Variants in NLRP4 observed in about 807,000 individuals in gnomAD.
NLRP4 encodes NACHT, LRR and PYD domains-containing protein 4.
NLRP4 carries 44 observed loss-of-function variants against 84.7 expected under a neutral mutation model. That is an observed-to-expected ratio of 0.52 (90% confidence interval 0.41 to 0.67). The LOEUF (loss-of-function observed/expected upper bound fraction) is 0.67, where lower values mean the gene tolerates loss of function less well. NLRP4 is among the 30% of genes least tolerant of loss of function. The pLI is 0.00. For synonymous variants in NLRP4, 544 were observed against 476.4 expected (o/e 1.14, Z -1.85); for missense variants, 1,260 against 1,219.4 (o/e 1.03, Z -0.50).
chr19:55,848,419 C>T (rs1983883539), intron 1 of NLRP4, among the ~76,000 whole-genome samples: 1 of 151,972 alleles, frequency 6.6e-6, no homozygotes, highest in African/African-American at 2.4e-5. Flanking sequence ...CTATACTATA[C>T]ATTGAGATGG....
chr19:55,878,188 A>C (rs993099919), intron 8 of NLRP4, among the ~76,000 whole-genome samples: 1 of 152,022 alleles, frequency 6.6e-6, no homozygotes, highest in Non-Finnish European at 1.5e-5. Flanking sequence ...AATTGCTAGA[A>C]CCCAGGAGGT....
rs370527389 is a variant in NLRP4, at chr19:55,858,578, G to C, written c.1185G>C (p.Gln395His). ...GCCCGACTCCGCAAACCCAGCACCA[G>C]CTGAAGGCCCTGTGCTCCCTGGCTG... Reference protein sequence around the residue: ...AEGPTPQTQHQLKALCSLAAE... With the variant: ...AEGPTPQTQHHLKALCSLAAE... The change falls in exon 3 of 10, where the codon CAG becomes CAC. Residue 395 changes from glutamine (Q) to histidine (H), a missense_variant. Gln to His is a conservative substitution (Grantham distance 24, BLOSUM62 0). Around this residue, in one of 3 missense-constraint regions of NLRP4, gnomAD observed 712 missense variants for 669.2 expected, o/e 1.06. Transcript: ENST00000301295. The surrounding 1 kb of genome is among the most constrained non-coding windows in gnomAD (Gnocchi z 4.2). The C allele has an allele frequency of 1.2e-6, 2 of 1,614,070 alleles. No homozygotes were observed. Among genetic ancestry groups the C allele is most frequent in the East Asian group, 2.2e-5 (1 of 44,898 alleles).
chr19:55,848,294 T>C (rs763614992), intron 1 of NLRP4, among the ~76,000 whole-genome samples: 1 of 152,032 alleles, frequency 6.6e-6, no homozygotes, highest in Non-Finnish European at 1.5e-5. Context: ...TTGCTACCCA[T>C]GTTGGCCTTG....
At chr19:55,866,068 C>T (rs138399066) in intron 5 of NLRP4, among the ~76,000 whole-genome samples, 1,525 of 152,168 alleles carry the variant, frequency 0.01, 10 homozygotes, top group Non-Finnish European at 0.018. Context: ...GAGTCTCACT[C>T]TGTCACCCAG....
chr19:55,845,796 C>T lies in NLRP4; in HGVS notation c.-65-6220C>T, dbSNP rs547385805. On this transcript the variant is annotated intron_variant, in intron 1 of 9. Transcript: ENST00000301295. ...TGGCCAGTGATGATGAGCATTTTTT[C>T]ATGTGTTTTTTGGCTGCATAAATGT... is the stretch of plus-strand genomic sequence containing the variant. Among the ~76,000 whole-genome samples, 697 of 148,722 alleles carry T rather than the reference C, an allele frequency of 4.7e-3. 10 individuals are homozygous for T. The highest frequency in any genetic ancestry group is 0.02 in the Middle Eastern group (6 of 294).
chr19:55,868,956 G>C (rs189942169), intron 6 of NLRP4, among the ~76,000 whole-genome samples: 1 of 152,210 alleles, frequency 6.6e-6, no homozygotes, highest in East Asian at 1.9e-4. Flanking sequence ...ACAGGGACAG[G>C]ACTTAACCTC....
At chr19:55,879,106 G>A (rs1985489520) in intron 9 of NLRP4, 142 bp downstream of exon 9, 6 of 624,286 alleles carry the variant, frequency 9.6e-6, no homozygotes, top group Non-Finnish European at 1.7e-5. Context: ...TAAGAACCAA[G>A]CAGGTGAGTA....
At chr19:55,860,662 G>A (rs1037614381) in intron 3 of NLRP4, among the ~76,000 whole-genome samples, 1 of 152,208 alleles carries the variant, frequency 6.6e-6, no homozygotes, top group African/African-American at 2.4e-5. Context: ...AGTCAAGTGA[G>A]CTGGATCCTA....
chr19:55,866,421 C>T (rs751664644), intron 5 of NLRP4, among the ~76,000 whole-genome samples: 5 of 152,224 alleles, frequency 3.3e-5, no homozygotes, highest in Non-Finnish European at 5.9e-5. Flanking sequence ...GCCATGGACT[C>T]GGTGACTTGC....
chr19:55,853,597 A>G (rs750444732), intron 2 of NLRP4, among the ~76,000 whole-genome samples: 3 of 152,092 alleles, frequency 2.0e-5, no homozygotes, highest in East Asian at 3.9e-4. Context: ...AATTGTAGAG[A>G]TGAGCTCTCA....
chr19:55,879,075 G>A, intron 9 of NLRP4, 111 bp downstream of exon 9: 2 of 840,048 alleles, frequency 2.4e-6, no homozygotes, highest in Non-Finnish European at 1.9e-6. Flanking sequence ...GATGTTCCTT[G>A]TCTCAGGGTT....
At chr19:55,856,664 C>T (rs940563635) in intron 2 of NLRP4, among the ~76,000 whole-genome samples, 6 of 151,314 alleles carry the variant, frequency 4.0e-5, no homozygotes, top group Admixed American at 2.0e-4. Flanking sequence ...TACAGGCACA[C>T]ACCACCACGC....
In NLRP4 at chr19:55,842,547, C is replaced by T. The variant is rs546936882; in HGVS notation, c.-66+5613C>T. 4.6e-5 allele frequency among the ~76,000 whole-genome samples: 7 copies of T among 151,430 alleles called. No individual in the cohort carries two copies. In the East Asian group the frequency reaches 1.4e-3, roughly 29 times the overall value. The stretch of plus-strand genomic sequence containing the variant: ...CCTTTTTCTTTTTTTTTTAGATTTA[C>T]GTGCCAGCTGTGATAAATTTTAATT... On this transcript the variant is annotated intron_variant, in intron 1 of 9. Transcript: ENST00000301295.
chr19:55,842,517 G>C (rs530330922), intron 1 of NLRP4, among the ~76,000 whole-genome samples: 1 of 143,170 alleles, frequency 7.0e-6, no homozygotes, highest in Admixed American at 6.7e-5. Context: ...TAGAGCACTT[G>C]ATGTCCTTTT....
At chr19:55,869,825 A>G (rs901932084) in intron 6 of NLRP4, among the ~76,000 whole-genome samples, 2 of 151,770 alleles carry the variant, frequency 1.3e-5, no homozygotes, top group African/African-American at 4.8e-5. Flanking sequence ...TTGGAGGCTC[A>G]CACCTATATT....
In NLRP4 at chr19:55,857,711, A is replaced by G; in HGVS notation, c.318A>G (p.Lys106=). 1 of 1,613,816 alleles carries G rather than the reference A, an allele frequency of 6.2e-7. No homozygotes were observed. Among genetic ancestry groups the G allele is most frequent in the Non-Finnish European group, 8.5e-7 (1 of 1,179,848 alleles). ...CCTATCAAGCTCACGCAAAGCAGAA[A>G]TTCAGCCGCTTATGGTCCAGCAAGT... ...TKTYQAHAKQ[K]FSRLWSSKSV... Residue 106 remains lysine, a synonymous_variant, in exon 3 of 10, where the codon AAA becomes AAG. Transcript: ENST00000301295.
chr19:55,857,407 T>C (rs1482994805), intron 2 of NLRP4: 1 of 486,348 alleles, frequency 2.1e-6, no homozygotes, highest in African/African-American at 2.0e-5. Flanking sequence ...GACCATATGG[T>C]TTCCATTTTA....
At position 55,852,049 on chromosome 19, in the gene NLRP4, CTT is replaced by C. The variant is rs1425032505; in HGVS notation, c.-30_-29del. On this transcript the variant is annotated 5_prime_UTR_variant, in exon 2 of 10. An upstream open reading frame in the 5' UTR gains an earlier in-frame stop. Transcript: ENST00000301295. ...TATTTATTGTTCCTGGTCACTGTCT[CTT>C]TGAGGATTGGTATCTCTGCTCCAGA... is the stretch of plus-strand genomic sequence containing the variant. 1.3e-6 allele frequency: 2 copies of C among 1,547,520 alleles called. No homozygotes were observed. The highest frequency in any genetic ancestry group is 1.7e-6 in the Non-Finnish European group (2 of 1,143,000).
intron 1 of NLRP4, among the ~76,000 whole-genome samples, chr19:55,841,367 A>C (rs1026648870): frequency 2.0e-5 from 3 of 152,000 alleles, no homozygotes; most frequent in Non-Finnish European, 4.4e-5. Flanking sequence ...TCCCCATATA[A>C]ATGAGATCAT....
Sources: gnomAD v4.1 joint callset for allele counts (sites outside exome capture counted in the v4.1 genomes callset) on GRCh38, gnomAD v4.1.1 for gene constraint, gnomAD v4.1.1 regional missense constraint, Gnocchi (gnomAD v3.1) non-coding constraint, MANE v1.5 for transcripts, NCBI Gene and HGNC (gene_info 2026-07-23, HGNC 2026-07-21) for gene names.